POU6F2: variants seen among roughly 807,000 people sequenced by gnomAD.
The protein encoded by POU6F2 is POU domain, class 6, transcription factor 2.
In POU6F2, 31 loss-of-function variants were observed where a neutral mutation model predicts 71.3. The observed-to-expected ratio is 0.43, with a 90% confidence interval of 0.33 to 0.59. The LOEUF (loss-of-function observed/expected upper bound fraction) is 0.59, where lower values mean the gene tolerates loss of function less well. POU6F2 is among the 20% of genes least tolerant of loss of function. POU6F2 has a pLI of 0.04. For missense variants in POU6F2, 783 were observed against 856.8 expected (o/e 0.91, Z 1.07); for synonymous variants, 347 against 355.7 (o/e 0.98, Z 0.27).
intron 4 of POU6F2, among the ~76,000 whole-genome samples, chr7:39,233,377 G>C (rs1794613091): frequency 6.6e-6 from 1 of 151,510 alleles, no homozygotes; most frequent in Admixed American, 6.6e-5. Context: ...ATTATCACTA[G>C]CTGCCTTATT....
intron 1 of POU6F2, among the ~76,000 whole-genome samples, chr7:38,991,992 G>A (rs1045156560): frequency 1.3e-4 from 20 of 152,076 alleles, no homozygotes; most frequent in African/African-American, 4.6e-4. Flanking sequence ...AGAGTTGAAA[G>A]CATTGCTAGA....
At chr7:39,320,972 C>T (rs953286381) in intron 4 of POU6F2, among the ~76,000 whole-genome samples, 9 of 152,270 alleles carry the variant, frequency 5.9e-5, no homozygotes, top group Admixed American at 2.0e-4. Flanking sequence ...GGGAGGATCG[C>T]TTGATCCCAG....
At chr7:39,091,069 A>G (rs1791355743) in intron 2 of POU6F2, among the ~76,000 whole-genome samples, 2 of 152,166 alleles carry the variant, frequency 1.3e-5, no homozygotes, top group African/African-American at 4.8e-5. Flanking sequence ...AGTTTAGTAG[A>G]TTCCCCGCCC....
At chr7:39,028,517 A>C (rs971292854) in intron 1 of POU6F2, among the ~76,000 whole-genome samples, 1 of 152,056 alleles carries the variant, frequency 6.6e-6, no homozygotes, top group East Asian at 1.9e-4. Context: ...CTAAAAATCT[A>C]GTTGAAATTT....
At chr7:39,026,401 C>G (rs554704719) in intron 1 of POU6F2, among the ~76,000 whole-genome samples, 315 of 151,806 alleles carry the variant, frequency 2.1e-3, no homozygotes, top group African/African-American at 7.0e-3. Context: ...ACATATACAC[C>G]ATGGAATCCT....
chr7:39,290,885 G>C (rs567606848), intron 4 of POU6F2, among the ~76,000 whole-genome samples: 1 of 152,292 alleles, frequency 6.6e-6, no homozygotes, highest in Admixed American at 6.5e-5. Context: ...AGTGAAAATT[G>C]CAAGTACTTG....
intron 2 of POU6F2, among the ~76,000 whole-genome samples, chr7:39,142,822 A>G (rs1792531739): frequency 1.3e-5 from 2 of 152,246 alleles, no homozygotes; most frequent in South Asian, 4.1e-4. Context: ...GAATGTTAGC[A>G]GTTTTGTGTG....
chr7:39,360,903 G>A (rs1469706181), intron 5 of POU6F2, among the ~76,000 whole-genome samples: 2 of 152,106 alleles, frequency 1.3e-5, no homozygotes, highest in African/African-American at 2.4e-5. Flanking sequence ...TCTTGGTTTT[G>A]GTGGGTTTTG....
intron 2 of POU6F2, among the ~76,000 whole-genome samples, chr7:39,179,462 C>T (rs1484165971): frequency 6.6e-6 from 1 of 152,242 alleles, no homozygotes; most frequent in Admixed American, 6.5e-5. Context: ...AAGAGTCTGG[C>T]ACTTGCTAAG....
intron 5 of POU6F2, chr7:39,373,785 A>T (rs1325176825): frequency 3.3e-6 from 1 of 299,354 alleles, no homozygotes. Flanking sequence ...GAGCAAAGGT[A>T]TCTGTATCTG....
intron 1 of POU6F2, among the ~76,000 whole-genome samples, chr7:39,025,722 T>C (rs1169831417): frequency 6.6e-6 from 1 of 150,546 alleles, no homozygotes; most frequent in African/African-American, 2.4e-5. Flanking sequence ...CCAAAAGCAA[T>C]GGCAACAAAA....
chr7:39,174,993 T>G (rs1793300836), intron 2 of POU6F2, among the ~76,000 whole-genome samples: 1 of 152,186 alleles, frequency 6.6e-6, no homozygotes, highest in African/African-American at 2.4e-5. Flanking sequence ...CTCCAGTGTT[T>G]GATGCTGTTG....
intron 1 of POU6F2, among the ~76,000 whole-genome samples, chr7:39,020,096 G>A (rs973982298): frequency 6.6e-6 from 1 of 152,130 alleles, no homozygotes; most frequent in African/African-American, 2.4e-5. Context: ...CAGGTTGGGT[G>A]CACCCTCCCA....
At chr7:39,286,253 G>A (rs1306063198) in intron 4 of POU6F2, among the ~76,000 whole-genome samples, 1 of 152,178 alleles carries the variant, frequency 6.6e-6, no homozygotes, top group African/African-American at 2.4e-5. Context: ...CTCTAGAGCT[G>A]TTAACCAAGC....
At chr7:39,444,843 G>C (rs150612662) in intron 7 of POU6F2, among the ~76,000 whole-genome samples, 1 of 152,012 alleles carries the variant, frequency 6.6e-6, no homozygotes, top group Non-Finnish European at 1.5e-5. Context: ...CATTATTTTT[G>C]TGTAGATTTA....
intron 2 of POU6F2, among the ~76,000 whole-genome samples, chr7:39,108,168 A>G (rs990166835): frequency 2.6e-5 from 4 of 152,206 alleles, no homozygotes; most frequent in African/African-American, 9.7e-5. Flanking sequence ...TCATCTGGTT[A>G]TGCTGATAAT....
chr7:39,382,431 G>C (rs1486436799), intron 5 of POU6F2, among the ~76,000 whole-genome samples: 2 of 152,216 alleles, frequency 1.3e-5, no homozygotes, highest in East Asian at 3.8e-4. Flanking sequence ...AAGACCTAGA[G>C]GAACCGAGGC....
chr7:39,356,058 C>T (rs1786249411), intron 5 of POU6F2, among the ~76,000 whole-genome samples: 1 of 152,188 alleles, frequency 6.6e-6, no homozygotes, highest in Admixed American at 6.5e-5. Flanking sequence ...ACTTTTCCCA[C>T]CTACTCTGGC....
intron 2 of POU6F2, among the ~76,000 whole-genome samples, chr7:39,101,535 G>A (rs1025003879): frequency 1.3e-5 from 2 of 150,944 alleles, no homozygotes; most frequent in African/African-American, 2.4e-5. Context: ...AAATTTTTAC[G>A]GTCTTTGACA....
Sources: allele counts gnomAD v4.1 joint callset (sites outside exome capture counted in the v4.1 genomes callset), GRCh38; gene constraint gnomAD v4.1.1; transcripts MANE v1.5; gene names NCBI Gene and HGNC (gene_info 2026-07-23, HGNC 2026-07-21).